The following YEATS4 variants were observed in gnomAD, a reference collection of about 807,000 sequenced individuals.
YEATS4 encodes YEATS domain containing 4, also known as YEATS domain-containing protein 4.
A neutral mutation model predicts 30.1 loss-of-function variants in YEATS4; 17 were observed. That is an observed-to-expected ratio of 0.56 (90% confidence interval 0.39 to 0.85). The LOEUF is 0.85. Among genes scored for constraint, YEATS4 ranks in the 40% least tolerant of loss-of-function variants. YEATS4 has a pLI of 0.00. For missense variants in YEATS4, 142 were observed against 268.3 expected (o/e 0.53, Z 3.29); for synonymous variants, 85 against 87.5 (o/e 0.97, Z 0.16).
At chr12:69,417,303 G>A in the YEATS4 span, among the ~76,000 whole-genome samples, 1 of 151,190 alleles carries the variant, frequency 6.6e-6, no homozygotes, top group Non-Finnish European at 1.5e-5. Flanking sequence ...GACTACAGGT[G>A]CATATGCCAT....
chr12:69,373,714 G>A (rs985594902), intron 6 of YEATS4, among the ~76,000 whole-genome samples: 1 of 152,196 alleles, frequency 6.6e-6, no homozygotes, highest in Non-Finnish European at 1.5e-5. Context: ...CAGTGTCCTA[G>A]AGAGTTTCCC....
At chr12:69,419,062 T>G in the YEATS4 span, among the ~76,000 whole-genome samples, 1 of 149,424 alleles carries the variant, frequency 6.7e-6, no homozygotes, top group East Asian at 1.9e-4. Context: ...TTTACTTTAG[T>G]CATTTCCCCT....
chr12:69,406,718 C>T, the YEATS4 span, among the ~76,000 whole-genome samples: 1 of 152,096 alleles, frequency 6.6e-6, no homozygotes, highest in Admixed American at 6.6e-5. Context: ...TAATTAAAAA[C>T]ATGATCAACA....
intron 6 of YEATS4, among the ~76,000 whole-genome samples, chr12:69,384,617 G>GT (rs975752854): frequency 6.6e-6 from 1 of 152,032 alleles, no homozygotes; most frequent in Non-Finnish European, 1.5e-5. Context: ...ATATTTAAAT[G>GT]TTTTTTTGAA....
the YEATS4 span, among the ~76,000 whole-genome samples, chr12:69,404,213 G>A: frequency 6.6e-6 from 1 of 152,138 alleles, no homozygotes; most frequent in African/African-American, 2.4e-5. Flanking sequence ...CCTCAATTGA[G>A]CATGTTCCAA....
At chr12:69,417,545 A>C in the YEATS4 span, among the ~76,000 whole-genome samples, 3 of 152,174 alleles carry the variant, frequency 2.0e-5, no homozygotes, top group Non-Finnish European at 4.4e-5. Context: ...CCTGAACATA[A>C]GGCTGCCTTG....
At chr12:69,421,296 G>T in the YEATS4 span, among the ~76,000 whole-genome samples, 1 of 152,144 alleles carries the variant, frequency 6.6e-6, no homozygotes, top group Non-Finnish European at 1.5e-5. Flanking sequence ...ATATGAGAAG[G>T]TTATCAATGA....
chr12:69,426,879 A>T, the YEATS4 span, among the ~76,000 whole-genome samples: 6,062 of 152,292 alleles, frequency 0.04, 176 homozygotes, highest in Non-Finnish European at 0.062. Context: ...ATTGTCCTTA[A>T]TTTTAAACAT....
intron 6 of YEATS4, among the ~76,000 whole-genome samples, chr12:69,375,828 T>C (rs1592853921): frequency 6.6e-6 from 1 of 151,456 alleles, no homozygotes; most frequent in East Asian, 2.0e-4. Flanking sequence ...GGCAGGGAGG[T>C]TGCAGTGAGC....
intron 2 of YEATS4, 75 bp downstream of exon 2, chr12:69,362,982 G>GTTT: frequency 2.8e-6 from 1 of 353,272 alleles, no homozygotes; most frequent in Non-Finnish European, 3.9e-6. Context: ...ACAACCTGTA[G>GTTT]TTTTTTTTTT....
chr12:69,402,880 G>A, the YEATS4 span, among the ~76,000 whole-genome samples: 9 of 151,548 alleles, frequency 5.9e-5, no homozygotes, highest in Non-Finnish European at 8.8e-5. Context: ...GTGCCACCAC[G>A]CCTGGCTAAT....
Position 69,362,838 on chromosome 12 carries a change from T to C in YEATS4, c.102T>C (p.Phe34=), listed in dbSNP as rs146882606. 5.0e-6 allele frequency: 8 copies of C among 1,612,684 alleles called. No homozygotes were observed. The highest frequency in any genetic ancestry group is 4.0e-5 in the African/African-American group (3 of 74,872). The change falls in exon 2 of 7, where the codon TTT becomes TTC. Residue 34 remains phenylalanine (F), a synonymous_variant. Transcript: ENST00000247843. ...PIVYGNVARY[F]GKKREEDGHT... Reference sequence around the variant, plus strand: ...TTTACGGTAATGTTGCTCGGTATTTTGGAAAGAAAAGAGAAGAAGATGGGC... The same window carrying C: ...TTTACGGTAATGTTGCTCGGTATTTCGGAAAGAAAAGAGAAGAAGATGGGC...
At chr12:69,381,323 T>C (rs2870902) in intron 6 of YEATS4, among the ~76,000 whole-genome samples, 60,408 of 152,152 alleles carry the variant, frequency 0.4, 12,364 homozygotes, top group Non-Finnish European at 0.46. Flanking sequence ...AAGAGAAATA[T>C]GGCTCTGTTC....
At chr12:69,360,347 A>C (rs752911518) in intron 1 of YEATS4, among the ~76,000 whole-genome samples, 50 of 152,180 alleles carry the variant, frequency 3.3e-4, no homozygotes, top group Non-Finnish European at 5.7e-4. Context: ...ATTCGCTGCC[A>C]ATCTAGGTTA....
At chr12:69,402,725 CTT>C in the YEATS4 span, among the ~76,000 whole-genome samples, 73 of 113,064 alleles carry the variant, frequency 6.5e-4, no homozygotes, top group African/African-American at 8.9e-4. Flanking sequence ...TCTTTCTTTT[CTT>C]TTTTTTTTTT....
the YEATS4 span, among the ~76,000 whole-genome samples, chr12:69,399,128 C>T: frequency 6.6e-6 from 1 of 151,744 alleles, no homozygotes; most frequent in East Asian, 1.9e-4. Flanking sequence ...GCCTGGGCAA[C>T]AGAGTGAGAC....
intron 6 of YEATS4, among the ~76,000 whole-genome samples, chr12:69,384,598 T>G (rs78615550): frequency 0.027 from 4,119 of 152,314 alleles, 79 homozygotes; most frequent in Middle Eastern, 0.054. Context: ...AATTCCAGTT[T>G]AGTTAAAGAT....
chr12:69,366,391 A>AC (rs1875436213), intron 4 of YEATS4, among the ~76,000 whole-genome samples: 1 of 151,702 alleles, frequency 6.6e-6, no homozygotes, highest in Non-Finnish European at 1.5e-5. Context: ...GTAAAAAAAA[A>AC]ATCCCTCCAG....
At chr12:69,417,162 T>C in the YEATS4 span, among the ~76,000 whole-genome samples, 1 of 146,710 alleles carries the variant, frequency 6.8e-6, no homozygotes, top group South Asian at 2.2e-4. Flanking sequence ...AAATTTTTTT[T>C]TTTTTTTTTT....
Sources: gnomAD v4.1 joint callset for allele counts (sites outside exome capture counted in the v4.1 genomes callset) on GRCh38, gnomAD v4.1.1 for gene constraint, MANE v1.5 for transcripts, NCBI Gene and HGNC (gene_info 2026-07-23, HGNC 2026-07-21) for gene names.